The following ADAM8 variants were observed in gnomAD, a reference collection of about 807,000 sequenced individuals.
The protein encoded by ADAM8 is ADAM metallopeptidase domain 8, also known as disintegrin and metalloproteinase domain-containing protein 8.
A neutral mutation model predicts 102.4 loss-of-function variants in ADAM8; 104 were observed. The observed-to-expected ratio is 1.02, with a 90% CI of 0.87 to 1.20. ADAM8 has a LOEUF of 1.20. Ranked by LOEUF, ADAM8 falls within the 50% of genes most tolerant of loss-of-function variation. The probability of loss-of-function intolerance (pLI) is 0.00; values close to 1 mark genes in which losing one functional copy is unlikely to be tolerated. For missense variants in ADAM8, 1,132 were observed against 1,159.0 expected (o/e 0.98, Z 0.34); for synonymous variants, 517 against 485.2 (o/e 1.07, Z -0.86).
intron 21 of ADAM8, among the ~76,000 whole-genome samples, chr10:133,265,141 T>C (rs58071770): frequency 2.4e-4 from 28 of 118,526 alleles, no homozygotes; most frequent in Admixed American, 1.1e-3. Flanking sequence ...TCTACCTCCA[T>C]GCCCAGCTCC....
chr10:133,276,707 G>A (rs1846769719), intron 1 of ADAM8, 65 bp downstream of exon 1: 4 of 1,511,510 alleles, frequency 2.6e-6, no homozygotes, highest in Non-Finnish European at 3.5e-6. Context: ...GGTCCGCGTC[G>A]CGTCCTGCGG....
At chr10:133,273,071 A>G in intron 6 of ADAM8, 52 bp from the exon 7 acceptor site, 2 of 1,609,644 alleles carry the variant, frequency 1.2e-6, no homozygotes, top group Non-Finnish European at 8.5e-7. Context: ...CGGGGCCTGG[A>G]CCCTCCCTCA....
chr10:133,272,147 C>A (rs1421495449), intron 10 of ADAM8, 46 bp downstream of exon 10: 4 of 1,539,416 alleles, frequency 2.6e-6, no homozygotes, highest in Non-Finnish European at 3.5e-6. Context: ...CCTCCCCTAT[C>A]CAGCTCTGGC....
intron 3 of ADAM8, 30 bp from the exon 4 acceptor site, chr10:133,274,059 C>T (rs1361711317): frequency 1.9e-6 from 3 of 1,595,676 alleles, no homozygotes; most frequent in African/African-American, 1.3e-5. Flanking sequence ...ACTGCCTCGG[C>T]CCCCTCGGTG....
At chr10:133,268,906 T>G (rs1405494556) in intron 18 of ADAM8, 44 bp from the exon 19 acceptor site, 14 of 1,584,196 alleles carry the variant, frequency 8.8e-6, no homozygotes, top group Non-Finnish European at 1.2e-5. Flanking sequence ...GGCCGCGACC[T>G]CAGGCAGGAG....
chr10:133,271,477 G>A (rs1846522723), intron 12 of ADAM8, 51 bp downstream of exon 12: 2 of 1,513,582 alleles, frequency 1.3e-6, no homozygotes, highest in Non-Finnish European at 1.8e-6. Flanking sequence ...TGAAGGGACA[G>A]AGGTTGTGGC....
chr10:133,272,701 G>T, intron 8 of ADAM8, 97 bp downstream of exon 8: 1 of 1,530,980 alleles, frequency 6.5e-7, no homozygotes, highest in Non-Finnish European at 8.8e-7. Flanking sequence ...CACAGGTGCG[G>T]GGCAGAGCTG....
At chr10:133,275,128 G>C in intron 2 of ADAM8, 1 of 333,176 alleles carries the variant, frequency 3.0e-6, no homozygotes, top group Non-Finnish European at 5.6e-6. Context: ...ACCCCCGCCA[G>C]GCCCCCCCCC....
Position 133,273,401 on chromosome 10 carries a change from G to A in ADAM8, c.426C>T (p.Pro142=). The A allele has an allele frequency of 6.5e-7, 1 of 1,549,176 alleles. No individual in the cohort carries two copies. Among genetic ancestry groups the A allele is most frequent in the Non-Finnish European group, 8.7e-7 (1 of 1,146,382 alleles). ...GTCCGCCCTCGCCACCTTCATCCAG[G>A]GGCTCGATCAGGTGCAGGTCTGACC... ...QVGSDLHLIE[P]LDEGGEGGRH... is the part of the protein sequence containing the mutation. Residue 142 remains proline, a synonymous_variant, in exon 6 of 23, where the codon CCC becomes CCT. Coordinates refer to ENST00000445355, the MANE Select transcript of ADAM8 (RefSeq NM_001109.5).
chr10:133,263,870 C>T (rs939056079), intron 21 of ADAM8, 105 bp from the exon 22 acceptor site: 33 of 1,038,672 alleles, frequency 3.2e-5, no homozygotes, highest in Admixed American at 7.1e-5. Flanking sequence ...ACAGACCTCG[C>T]TCTGCCCCCC....
intron 19 of ADAM8, 147 bp downstream of exon 19, chr10:133,268,601 C>G (rs1846408571): frequency 2.2e-6 from 2 of 896,676 alleles, no homozygotes; most frequent in Non-Finnish European, 3.3e-6. Flanking sequence ...AAACTCAGCC[C>G]AAGCCGGGGG....
rs749511334 is a variant in ADAM8, at chr10:133,272,997, GTC to G, written c.594_595del (p.Glu198AspfsTer56). On this transcript the variant is annotated frameshift_variant, in exon 7 of 23. Coordinates refer to ENST00000445355, the MANE Select transcript of ADAM8 (RefSeq NM_001109.5). LOFTEE classifies it high-confidence loss of function. Reference sequence around the variant, plus strand: ...GACCACATACAGCTCCACGTAGCGGGTCTCTCGGGATGGCAGAGAGTCCTGGG... The same window carrying G: ...GACCACATACAGCTCCACGTAGCGGGTCTCGGGATGGCAGAGAGTCCTGGG... The G allele has an allele frequency of 5.5e-5, 88 of 1,612,694 alleles. No individual in the cohort carries two copies. Among genetic ancestry groups the G allele is most frequent in the Non-Finnish European group, 7.3e-5 (86 of 1,179,886 alleles).
In ADAM8 at chr10:133,274,162, T is replaced by C; in HGVS notation, c.224A>G (p.Asn75Ser). Reference protein sequence around the residue: ...GHNFTLHLRKNRDLLGSGYTE... With the variant: ...GHNFTLHLRKSRDLLGSGYTE... ...GGCCGACCCGAGACCCACTCACCTG[T>C]TCTTCCGCAGGTGGAGGGTGAAGTT... The change falls in exon 3 of 23, where the codon AAC becomes AGC. Residue 75 changes from asparagine (N) to serine (S), a missense_variant. Physicochemically the swap from Asn to Ser is conservative, Grantham distance 46. Transcript: ENST00000445355. 6.3e-7 allele frequency: 1 copy of C among 1,586,780 alleles called. No homozygotes were observed. Among genetic ancestry groups the C allele is most frequent in the Non-Finnish European group, 8.6e-7 (1 of 1,166,108 alleles).
In ADAM8 at chr10:133,269,349, C is replaced by A. The variant is rs1268557323; in HGVS notation, c.1948+96G>T. 6.0e-6 allele frequency: 8 copies of A among 1,339,256 alleles called. No individual in the cohort carries two copies. The East Asian group carries it at 1.6e-4, about 26-fold the overall frequency. 83.0% of individuals were successfully genotyped at this position (1,339,256 alleles called of 1,614,324 possible). A position where few individuals can be genotyped will look rare whatever the true frequency, so the allele number is the denominator to read the frequency against. ...TGGCAGCAAACTGGCACCGTGAACA[C>A]CACCAGCTTCCCGGGCCCGCGGCTT... On this transcript the variant is annotated intron_variant, in intron 18 of 22. Coordinates refer to ENST00000445355, the MANE Select transcript of ADAM8 (RefSeq NM_001109.5).
At chr10:133,274,861 C>T in intron 2 of ADAM8, 1 of 433,928 alleles carries the variant, frequency 2.3e-6, no homozygotes, top group South Asian at 1.6e-5. Flanking sequence ...CAGGCTGGGG[C>T]TCGGCCTGCA....
At chr10:133,272,046 T>C in intron 10 of ADAM8, 92 bp from the exon 11 acceptor site, 1 of 1,559,966 alleles carries the variant, frequency 6.4e-7, no homozygotes, top group Non-Finnish European at 8.8e-7. Flanking sequence ...TGGCACAGCT[T>C]CCCGCCAACA....
chr10:133,267,420 G>A lies in ADAM8; in HGVS notation c.2254-3C>T, dbSNP rs1023925227. On this transcript the variant is annotated splice_polypyrimidine_tract_variant and splice_region_variant and intron_variant, in intron 20 of 22. Transcript: ENST00000445355. ...GGGCTGGACACAGTGACCGGAGGCT[G>A]GAGGAGACAGGGCCGAGAGCCTGGG... 3 of 1,607,228 alleles carry A rather than the reference G, an allele frequency of 1.9e-6. No individual in the cohort carries two copies. Among genetic ancestry groups the A allele is most frequent in the Non-Finnish European group, 2.5e-6 (3 of 1,178,114 alleles).
In ADAM8 at chr10:133,271,299, C is replaced by A. The variant is rs377742136; in HGVS notation, c.1285-10G>T. 6.2e-7 allele frequency: 1 copy of A among 1,607,436 alleles called. No individual in the cohort carries two copies. Among genetic ancestry groups the A allele is most frequent in the Non-Finnish European group, 8.5e-7 (1 of 1,178,452 alleles). On this transcript the variant is annotated splice_polypyrimidine_tract_variant and intron_variant, in intron 12 of 22. Coordinates refer to ENST00000445355, the MANE Select transcript of ADAM8 (RefSeq NM_001109.5). ...AGCGGTTCCGGCAGTCCTGGGGCGA[C>A]GGCAAAGGCCTTGGCAGGCTGCACT...
rs1017358774 is a variant in ADAM8, at chr10:133,275,499, A to G, written c.135T>C (p.Ala45=). 2.0e-6 allele frequency: 3 copies of G among 1,535,080 alleles called. No individual in the cohort carries two copies. The highest frequency in any genetic ancestry group is 2.6e-6 in the Non-Finnish European group (3 of 1,141,074). The change falls in exon 2 of 23, where the codon GCT becomes GCC. Residue 45 remains alanine (A), a synonymous_variant. Transcript: ENST00000445355. ...WRLPGPRVRR[A]LPSHLGLHPE... Reference sequence around the variant, plus strand: ...TTAGACTCACCAAGTGGGAGGGCAGAGCTCGGCGGACTCGGGGGCCTGGCA... The same window carrying G: ...TTAGACTCACCAAGTGGGAGGGCAGGGCTCGGCGGACTCGGGGGCCTGGCA...
Sources: gnomAD v4.1 joint callset for allele counts (sites outside exome capture counted in the v4.1 genomes callset) on GRCh38, gnomAD v4.1.1 for gene constraint, MANE v1.5 for transcripts, NCBI Gene and HGNC (gene_info 2026-07-23, HGNC 2026-07-21) for gene names.